The following HCN1 variants were observed in gnomAD, a reference collection of about 807,000 sequenced individuals.
HCN1 encodes potassium/sodium hyperpolarization-activated cyclic nucleotide-gated channel 1.
In HCN1, 13 loss-of-function variants were observed where a neutral mutation model predicts 78.9. The ratio of observed to expected loss-of-function variants is 0.16; its 90% CI spans 0.11 to 0.26. The LOEUF is 0.26. Among genes scored for constraint, HCN1 ranks in the 10% least tolerant of loss-of-function variants. The pLI is 1.00. For missense variants in HCN1, 810 were observed against 1,154.3 expected (o/e 0.70, Z 4.32); for synonymous variants, 552 against 455.5 (o/e 1.21, Z -2.70).
At chr5:45,439,930 T>C (rs930877874) in intron 3 of HCN1, among the ~76,000 whole-genome samples, 3 of 148,976 alleles carry the variant, frequency 2.0e-5, no homozygotes, top group Non-Finnish European at 4.5e-5. Context: ...ATTAGTCATA[T>C]TGTATGTAAT....
At chr5:45,405,882 C>T (rs1739908491) in intron 3 of HCN1, among the ~76,000 whole-genome samples, 7 of 152,078 alleles carry the variant, frequency 4.6e-5, no homozygotes, top group Admixed American at 4.6e-4. Flanking sequence ...AGAGTTCATT[C>T]TCAACTTGTT....
rs1280298599 is a variant in HCN1, at chr5:45,326,798, C to T, written c.1378-22959G>A. On this transcript the variant is annotated intron_variant, in intron 5 of 7. Transcript: ENST00000303230. ...CCTGAGGTATTTAATCACATAGAAA[C>T]TTTACAATACACATGCAAATGAAGT... Among the ~76,000 whole-genome samples the T allele has an allele frequency of 2.6e-5, 4 of 151,506 alleles. No homozygotes were observed. In the South Asian group the frequency reaches 6.2e-4, roughly 24 times the overall value.
At chr5:45,383,406 C>A (rs1747846053) in intron 4 of HCN1, among the ~76,000 whole-genome samples, 1 of 151,974 alleles carries the variant, frequency 6.6e-6, no homozygotes, top group Non-Finnish European at 1.5e-5. Context: ...ATTTAAATTC[C>A]ATGAGGAGGC....
At chr5:45,526,270 T>C (rs1742734457) in intron 2 of HCN1, among the ~76,000 whole-genome samples, 1 of 152,044 alleles carries the variant, frequency 6.6e-6, no homozygotes, top group Non-Finnish European at 1.5e-5. Context: ...GTCATTTGAG[T>C]TTCTCCTTTG....
At chr5:45,629,960 A>G (rs1402731576) in intron 2 of HCN1, among the ~76,000 whole-genome samples, 1 of 152,118 alleles carries the variant, frequency 6.6e-6, no homozygotes, top group African/African-American at 2.4e-5. Context: ...TTCACTTACA[A>G]AAAGTAAGTA....
chr5:45,338,415 G>A (rs570714854), intron 5 of HCN1, among the ~76,000 whole-genome samples: 3 of 152,198 alleles, frequency 2.0e-5, no homozygotes, highest in Admixed American at 6.5e-5. Flanking sequence ...ATAACATGTT[G>A]TTGACATAAA....
rs62369103 is a variant in HCN1 at position 45,534,656 on chromosome 5, G to A, written c.850-72649C>T. On this transcript the variant is annotated intron_variant, in intron 2 of 7. Coordinates refer to ENST00000303230, the MANE Select transcript of HCN1 (RefSeq NM_021072.4). ...ATGAATGTAGCTTAACAGCCTATAC[G>A]AGATTCTAAGCCAAAAAAAAAATAA... Among the ~76,000 whole-genome samples the A allele has an allele frequency of 9.7e-3, 1,460 of 149,922 alleles. 10 individuals are homozygous for A. Among genetic ancestry groups the A allele is most frequent in the Non-Finnish European group, 0.016 (1,059 of 66,972 alleles).
intron 2 of HCN1, among the ~76,000 whole-genome samples, chr5:45,510,548 T>C (rs1030410994): frequency 3.9e-5 from 6 of 151,980 alleles, no homozygotes. Context: ...ATACCAAATA[T>C]AGTGAGAATT....
intron 2 of HCN1, among the ~76,000 whole-genome samples, chr5:45,481,465 C>G (rs1256482264): frequency 6.6e-6 from 1 of 152,104 alleles, no homozygotes; most frequent in Non-Finnish European, 1.5e-5. Context: ...AGGATCAAAC[C>G]TAAAAAGGAC....
chr5:45,653,700 C>A (rs985301583), intron 1 of HCN1, among the ~76,000 whole-genome samples: 2 of 151,778 alleles, frequency 1.3e-5, no homozygotes, highest in African/African-American at 4.8e-5. Flanking sequence ...TAAATACGAC[C>A]ATAGGTGGGA....
At chr5:45,512,007 G>C (rs1354833237) in intron 2 of HCN1, among the ~76,000 whole-genome samples, 1 of 152,010 alleles carries the variant, frequency 6.6e-6, no homozygotes, top group Non-Finnish European at 1.5e-5. Context: ...AAAGGAAGTA[G>C]TATTTAGTTC....
chr5:45,357,163 G>A (rs184601706), intron 4 of HCN1, among the ~76,000 whole-genome samples: 6 of 151,832 alleles, frequency 4.0e-5, no homozygotes, highest in African/African-American at 1.4e-4. Context: ...TTTCTGTTTT[G>A]GTTTATTTAT....
At chr5:45,355,160 T>A (rs1384972191) in intron 4 of HCN1, among the ~76,000 whole-genome samples, 12 of 152,076 alleles carry the variant, frequency 7.9e-5, no homozygotes, top group Non-Finnish European at 2.9e-5. Flanking sequence ...GACTAAATGA[T>A]CTTCCTTTTA....
chr5:45,645,111 A>G (rs2112031503), intron 2 of HCN1, 74 bp downstream of exon 2: 2 of 1,108,410 alleles, frequency 1.8e-6, no homozygotes, highest in Admixed American at 3.8e-5. Context: ...CACATTGCAC[A>G]GTTGTTCATT....
rs541911994 is a variant in HCN1 at position 45,645,226 on chromosome 5, G to A, written c.808C>T (p.Arg270Ter). ...TKILSLLRLL[R>*]LSRLIRYIHQ... ...ATGTATCTAATTAACCTTGAAAGTC[G>A]TAATAAACGCAAGAGACTGAGAATT... Residue 270 changes from arginine to a stop codon, truncating the protein, a stop_gained, in exon 2 of 8, where the codon CGA becomes TGA. Transcript: ENST00000303230. LOFTEE classifies it high-confidence loss of function. The A allele has an allele frequency of 3.1e-6, 5 of 1,613,326 alleles. No individual in the cohort carries two copies. Among genetic ancestry groups the A allele is most frequent in the East Asian group, 2.2e-5 (1 of 44,838 alleles).
intron 5 of HCN1, among the ~76,000 whole-genome samples, chr5:45,318,644 C>T (rs1330968006): frequency 6.7e-6 from 1 of 149,576 alleles, no homozygotes; most frequent in Non-Finnish European, 1.5e-5. Context: ...AGCAGTCCTT[C>T]CCATTATTTT....
chr5:45,348,597 T>C (rs1746803555), intron 5 of HCN1, among the ~76,000 whole-genome samples: 1 of 152,094 alleles, frequency 6.6e-6, no homozygotes, highest in African/African-American at 2.4e-5. Flanking sequence ...TCAAGACCCA[T>C]CAGTGTGCTG....
chr5:45,598,019 C>G (rs1744541758), intron 2 of HCN1, among the ~76,000 whole-genome samples: 2 of 152,214 alleles, frequency 1.3e-5, no homozygotes, highest in Admixed American at 6.5e-5. Context: ...AATGCCATCC[C>G]CATCAAGCTA....
intron 5 of HCN1, among the ~76,000 whole-genome samples, chr5:45,314,385 C>A (rs1256468693): frequency 6.6e-6 from 1 of 152,168 alleles, no homozygotes; most frequent in Non-Finnish European, 1.5e-5. Context: ...AAAGGAACGA[C>A]CGGTACCAGC....
Sources: allele counts gnomAD v4.1 joint callset (sites outside exome capture counted in the v4.1 genomes callset), GRCh38; gene constraint gnomAD v4.1.1; transcripts MANE v1.5; gene names NCBI Gene and HGNC (gene_info 2026-07-23, HGNC 2026-07-21).